The following CARNMT1 variants were observed in gnomAD, a reference collection of about 807,000 sequenced individuals.
The protein encoded by CARNMT1 is carnosine N-methyltransferase 1, also known as protein-L-histidine N-pros-methyltransferase CARNMT1.
Under a neutral mutation model 49.6 loss-of-function variants are expected in CARNMT1, and 28 were observed. The observed-to-expected ratio is 0.56, with a 90% confidence interval of 0.42 to 0.77. The LOEUF is 0.77. CARNMT1 is among the 30% of genes least tolerant of loss of function. CARNMT1 has a pLI of 0.00. For missense variants in CARNMT1, 421 were observed against 512.6 expected (o/e 0.82, Z 1.73); for synonymous variants, 178 against 175.0 (o/e 1.02, Z -0.13).
In CARNMT1 at chr9:75,027,997, C is replaced by T. The variant is rs761142549; in HGVS notation, c.230+15G>A. On this transcript the variant is annotated intron_variant, in intron 1 of 7. Coordinates refer to ENST00000376834, the MANE Select transcript of CARNMT1 (RefSeq NM_152420.3). ...CCCCGACGGTCTGGGCCGGGGTCCG[C>T]CACGGGCTCCTTACCCGTAGTAGCG... 1.3e-6 allele frequency: 2 copies of T among 1,554,730 alleles called. No homozygotes were observed. The highest frequency in any genetic ancestry group is 1.7e-6 in the Non-Finnish European group (2 of 1,154,476).
chr9:74,999,951 T>G (rs1167856580), intron 3 of CARNMT1, 81 bp from the exon 4 acceptor site: 1 of 1,242,632 alleles, frequency 8.0e-7, no homozygotes. Flanking sequence ...AACTAAAAAC[T>G]TACTCATTTA....
chr9:75,003,712 G>A (rs1006416530), intron 3 of CARNMT1, among the ~76,000 whole-genome samples: 4 of 152,080 alleles, frequency 2.6e-5, no homozygotes, highest in African/African-American at 7.2e-5. Context: ...ATGTTAAAAC[G>A]AATACCCTTA....
intron 1 of CARNMT1, chr9:75,026,996 A>G (rs919298764): frequency 2.5e-5 from 23 of 929,864 alleles, no homozygotes; most frequent in Middle Eastern, 2.5e-4. Context: ...AAGATGAACA[A>G]TATAAAAAAA....
At position 75,014,329 on chromosome 9, in the gene CARNMT1, C is replaced by T. The variant is rs528848000; in HGVS notation, c.590+1939G>A. Among the ~76,000 whole-genome samples, 20 of 152,126 alleles carry T rather than the reference C, an allele frequency of 1.3e-4. No individual in the cohort carries two copies. The South Asian group carries it at 1.7e-3, about 13-fold the overall frequency. On this transcript the variant is annotated intron_variant, in intron 3 of 7. Transcript: ENST00000376834. ...GTAGACAACTGGGCGAATAAGTAAACGTATTGATGTTGTTGGAAGTGAGGT... is the reference window on the plus strand; with the variant it reads ...GTAGACAACTGGGCGAATAAGTAAATGTATTGATGTTGTTGGAAGTGAGGT...
chr9:74,999,902 C>T (rs762972693), intron 3 of CARNMT1, 32 bp from the exon 4 acceptor site: 1 of 1,556,300 alleles, frequency 6.4e-7, no homozygotes, highest in Non-Finnish European at 8.6e-7. Context: ...ATGTCCAACC[C>T]CTCAAAGAAA....
At chr9:74,995,593 A>C (rs893214203) in intron 6 of CARNMT1, among the ~76,000 whole-genome samples, 2 of 152,204 alleles carry the variant, frequency 1.3e-5, no homozygotes, top group African/African-American at 4.8e-5. Flanking sequence ...CTTAGTCCCA[A>C]ATGGCAAAAT....
At chr9:74,989,286 C>G (rs1391145762) in intron 6 of CARNMT1, among the ~76,000 whole-genome samples, 3 of 150,786 alleles carry the variant, frequency 2.0e-5, no homozygotes, top group Non-Finnish European at 4.4e-5. Context: ...AATTTTTAAA[C>G]TTTTTTTTTA....
chr9:75,015,462 A>G (rs2118852923), intron 3 of CARNMT1, among the ~76,000 whole-genome samples: 1 of 152,210 alleles, frequency 6.6e-6, no homozygotes, highest in Non-Finnish European at 1.5e-5. Flanking sequence ...TTTCTTTGTA[A>G]TCATATGCAC....
intron 1 of CARNMT1, chr9:75,027,362 T>C: frequency 1.1e-6 from 1 of 940,140 alleles, no homozygotes. Context: ...GCTCTTATTG[T>C]GACTTCTCTC....
intron 3 of CARNMT1, among the ~76,000 whole-genome samples, chr9:75,011,285 C>T (rs1459522034): frequency 6.6e-6 from 1 of 152,096 alleles, no homozygotes; most frequent in Non-Finnish European, 1.5e-5. Flanking sequence ...AGTGGTGCTC[C>T]CACGCTCCCT....
Position 74,983,985 on chromosome 9 carries a change from A to G in CARNMT1, c.1129-117T>C, listed in dbSNP as rs138458998. On this transcript the variant is annotated intron_variant, in intron 7 of 7. Coordinates refer to ENST00000376834, the MANE Select transcript of CARNMT1 (RefSeq NM_152420.3). ...TATTTTAAGCATATTCATTTATTAC[A>G]TACAACTACCCCCATAAGAGAGGTA... 1.9e-3 allele frequency: 1,056 copies of G among 549,054 alleles called. 4 individuals are homozygous for G. The highest frequency in any genetic ancestry group is 0.019 in the Middle Eastern group (39 of 2,028). The allele number at this position is 549,054 out of a possible 1,614,324, so 34.0% of individuals were successfully genotyped here.
chr9:75,027,999 A>G lies in CARNMT1; in HGVS notation c.230+13T>C, dbSNP rs1822581328. 3.9e-6 allele frequency: 6 copies of G among 1,555,830 alleles called. No homozygotes were observed. The highest frequency in any genetic ancestry group is 1.2e-5 in the South Asian group (1 of 85,170). On this transcript the variant is annotated intron_variant, in intron 1 of 7. Transcript: ENST00000376834. Reference sequence around the variant, plus strand: ...CCGACGGTCTGGGCCGGGGTCCGCCACGGGCTCCTTACCCGTAGTAGCGGA... The same window carrying G: ...CCGACGGTCTGGGCCGGGGTCCGCCGCGGGCTCCTTACCCGTAGTAGCGGA...
intron 3 of CARNMT1, among the ~76,000 whole-genome samples, chr9:75,004,847 C>G (rs1833456851): frequency 6.6e-6 from 1 of 152,110 alleles, no homozygotes; most frequent in African/African-American, 2.4e-5. Flanking sequence ...TTTTCCCCCA[C>G]AAATCACTTC....
intron 1 of CARNMT1, among the ~76,000 whole-genome samples, chr9:75,021,006 C>T (rs528522713): frequency 8.6e-4 from 131 of 152,230 alleles, no homozygotes; most frequent in Non-Finnish European, 1.7e-3. Context: ...ATCATGGAAG[C>T]TGCCATTTGA....
In CARNMT1 at chr9:75,017,360, G is replaced by A; in HGVS notation, c.319C>T (p.Leu107Phe). The change falls in exon 2 of 8, where the codon CTT (leucine) becomes TTT (phenylalanine). Residue 107 changes from leucine to phenylalanine, a missense_variant. Coordinates refer to ENST00000376834, the MANE Select transcript of CARNMT1 (RefSeq NM_152420.3). Reference sequence around the variant, plus strand: ...CATTTCCGGATCTTGTCCAAGTGAAGAAGAAACTGAGGAAGTAGTTTCTGT... The same window carrying A: ...CATTTCCGGATCTTGTCCAAGTGAAAAAGAAACTGAGGAAGTAGTTTCTGT... Reference protein sequence around the residue: ...NQQKLLPQFLLHLDKIRKCID... With the variant: ...NQQKLLPQFLFHLDKIRKCID... 1.2e-6 allele frequency: 2 copies of A among 1,613,920 alleles called. No individual in the cohort carries two copies. Among genetic ancestry groups the A allele is most frequent in the Middle Eastern group, 1.7e-4 (1 of 6,060 alleles).
intron 1 of CARNMT1, 121 bp downstream of exon 1, chr9:75,027,891 G>C (rs1395416680): frequency 1.8e-6 from 2 of 1,139,408 alleles, no homozygotes; most frequent in African/African-American, 1.7e-5. Flanking sequence ...AGCTGCAGCA[G>C]CCGGGTCCCG....
At chr9:74,985,736 C>G (rs552195384) in intron 6 of CARNMT1, among the ~76,000 whole-genome samples, 1 of 152,086 alleles carries the variant, frequency 6.6e-6, no homozygotes, top group South Asian at 2.1e-4. Context: ...CCTGTCGCCA[C>G]GCCAGGCTAA....
intron 1 of CARNMT1, among the ~76,000 whole-genome samples, chr9:75,020,168 T>C (rs1027852737): frequency 8.5e-5 from 13 of 152,152 alleles, no homozygotes; most frequent in Admixed American, 3.3e-4. Context: ...TTACATTTTA[T>C]ATCTATATAT....
intron 3 of CARNMT1, among the ~76,000 whole-genome samples, chr9:75,001,996 A>C (rs1833372709): frequency 6.6e-6 from 1 of 152,216 alleles, no homozygotes; most frequent in Admixed American, 6.5e-5. Context: ...AGTGAAAACA[A>C]GCAAGCCAAC....
Sources: gnomAD v4.1 joint callset for allele counts (sites outside exome capture counted in the v4.1 genomes callset) on GRCh38, gnomAD v4.1.1 for gene constraint, MANE v1.5 for transcripts, NCBI Gene and HGNC (gene_info 2026-07-23, HGNC 2026-07-21) for gene names.